Variants in SPAG16 observed in about 807,000 individuals in gnomAD.
SPAG16 encodes the protein sperm-associated antigen 16 protein.
In SPAG16, 86 loss-of-function variants were observed where a neutral mutation model predicts 80.4. The observed-to-expected ratio is 1.07, with a 90% CI of 0.90 to 1.28. The LOEUF (loss-of-function observed/expected upper bound fraction) is 1.28, where lower values mean the gene tolerates loss of function less well. Ranked by LOEUF, SPAG16 falls within the 50% of genes most tolerant of loss-of-function variation. The pLI is 0.00. For missense variants in SPAG16, 870 were observed against 765.3 expected (o/e 1.14, Z -1.61); for synonymous variants, 294 against 265.9 (o/e 1.11, Z -1.03).
At chr2:214,352,833 T>G (rs1160294327) in intron 15 of SPAG16, among the ~76,000 whole-genome samples, 1 of 151,972 alleles carries the variant, frequency 6.6e-6, no homozygotes, top group East Asian at 1.9e-4. Flanking sequence ...ATCATTTAAC[T>G]TTAACATACA....
intron 10 of SPAG16, among the ~76,000 whole-genome samples, chr2:213,778,731 ATC>A (rs1045715166): frequency 3.3e-5 from 5 of 152,142 alleles, no homozygotes; most frequent in African/African-American, 1.2e-4. Context: ...CTCTGCCACT[ATC>A]TCTAGTTCTT....
At chr2:214,207,249 C>T (rs1437126953) in intron 15 of SPAG16, among the ~76,000 whole-genome samples, 1 of 152,136 alleles carries the variant, frequency 6.6e-6, no homozygotes, top group Non-Finnish European at 1.5e-5. Context: ...CCACCCAGTT[C>T]AGGTGCTTTT....
intron 12 of SPAG16, among the ~76,000 whole-genome samples, chr2:213,964,307 T>G (rs1428101008): frequency 1.3e-5 from 2 of 152,144 alleles, no homozygotes; most frequent in Admixed American, 1.3e-4. Context: ...TATAATCATC[T>G]CTATTTATAT....
At chr2:213,678,103 G>T (rs1343460149) in intron 10 of SPAG16, among the ~76,000 whole-genome samples, 2 of 151,946 alleles carry the variant, frequency 1.3e-5, no homozygotes, top group Non-Finnish European at 2.9e-5. Flanking sequence ...AGAATCTCTG[G>T]GACACATTCA....
intron 1 of SPAG16, among the ~76,000 whole-genome samples, chr2:213,290,766 A>C (rs1324817095): frequency 6.6e-6 from 1 of 152,238 alleles, no homozygotes; most frequent in Non-Finnish European, 1.5e-5. Context: ...GCTCCGTGAA[A>C]GTAGAACCAG....
At chr2:213,500,457 A>G (rs2074691222) in intron 10 of SPAG16, among the ~76,000 whole-genome samples, 1 of 152,218 alleles carries the variant, frequency 6.6e-6, no homozygotes, top group Non-Finnish European at 1.5e-5. Flanking sequence ...GAGAGGAGAA[A>G]AGTGGTCTTG....
At chr2:213,475,002 T>C (rs943401448) in intron 9 of SPAG16, among the ~76,000 whole-genome samples, 3 of 152,204 alleles carry the variant, frequency 2.0e-5, no homozygotes, top group Middle Eastern at 3.2e-3. Context: ...GGTCCTCCAA[T>C]GGTACTGCTG....
At chr2:213,546,321 T>A (rs1234299229) in intron 10 of SPAG16, among the ~76,000 whole-genome samples, 1 of 152,186 alleles carries the variant, frequency 6.6e-6, no homozygotes, top group African/African-American at 2.4e-5. Context: ...GCCCCTTTTT[T>A]TTAGCAAGCA....
intron 10 of SPAG16, among the ~76,000 whole-genome samples, chr2:213,496,709 A>G (rs974803859): frequency 6.6e-6 from 1 of 151,110 alleles, no homozygotes; most frequent in Non-Finnish European, 1.5e-5. Context: ...ATCCATATAT[A>G]CATATCCATA....
intron 15 of SPAG16, among the ~76,000 whole-genome samples, chr2:214,353,550 A>G (rs972069462): frequency 3.3e-5 from 5 of 152,158 alleles, no homozygotes; most frequent in African/African-American, 1.2e-4. Flanking sequence ...AGTTTAACAG[A>G]TCACATACTG....
intron 10 of SPAG16, among the ~76,000 whole-genome samples, chr2:213,714,539 C>G (rs201300020): frequency 6.6e-6 from 1 of 152,048 alleles, no homozygotes; most frequent in East Asian, 1.9e-4. Context: ...TGGTTTAGGG[C>G]TTTTATAATT....
chr2:214,263,545 T>C (rs1691332337), intron 15 of SPAG16, among the ~76,000 whole-genome samples: 1 of 152,216 alleles, frequency 6.6e-6, no homozygotes, highest in Non-Finnish European at 1.5e-5. Flanking sequence ...TTGGCTGTTA[T>C]ACTTCAAGGT....
intron 13 of SPAG16, among the ~76,000 whole-genome samples, chr2:214,080,999 A>G (rs13415340): frequency 0.68 from 103,220 of 151,772 alleles, 36,472 homozygotes; most frequent in South Asian, 0.8. Context: ...CACTTTGAGA[A>G]CCACTGAATA....
chr2:213,881,866 T>C (rs1451404102), intron 11 of SPAG16, among the ~76,000 whole-genome samples: 1 of 152,220 alleles, frequency 6.6e-6, no homozygotes, highest in Non-Finnish European at 1.5e-5. Context: ...TTTTCAGTAC[T>C]ATGTTGAATA....
intron 15 of SPAG16, among the ~76,000 whole-genome samples, chr2:214,361,707 A>T (rs867351896): frequency 5.3e-5 from 8 of 151,990 alleles, no homozygotes; most frequent in African/African-American, 1.7e-4. Flanking sequence ...ATCAGAGACA[A>T]CATCCCCACT....
intron 10 of SPAG16, among the ~76,000 whole-genome samples, chr2:213,717,131 C>G (rs1235277102): frequency 6.6e-6 from 1 of 151,280 alleles, no homozygotes; most frequent in Non-Finnish European, 1.5e-5. Flanking sequence ...CTACGTAACT[C>G]AACTGTGAAA....
rs537008916 is a variant in SPAG16, at chr2:213,599,154, T to C, written c.1070+109064T>C. 2.2e-3 allele frequency among the ~76,000 whole-genome samples: 330 copies of C among 152,324 alleles called. 1 individual carries two copies. Among genetic ancestry groups the C allele is most frequent in the Non-Finnish European group, 4.0e-3 (269 of 68,024 alleles). On this transcript the variant is annotated intron_variant, in intron 10 of 15. Coordinates refer to ENST00000331683, the MANE Select transcript of SPAG16 (RefSeq NM_024532.5). ...AATATAGTTTTAAAACTCAGTTTAC[T>C]TGTAATAATCTAAAAACACAAATAG...
intron 12 of SPAG16, among the ~76,000 whole-genome samples, chr2:213,987,469 A>G (rs764811065): frequency 5.9e-5 from 9 of 152,074 alleles, no homozygotes; most frequent in Non-Finnish European, 1.3e-4. Flanking sequence ...TTAAAATTAA[A>G]CAAGTTTGAC....
At chr2:213,356,043 G>T (rs891312277) in intron 7 of SPAG16, among the ~76,000 whole-genome samples, 1 of 152,086 alleles carries the variant, frequency 6.6e-6, no homozygotes, top group Non-Finnish European at 1.5e-5. Context: ...AGGTATTTTC[G>T]ATCAATACCT....
Sources: allele counts gnomAD v4.1 joint callset (sites outside exome capture counted in the v4.1 genomes callset), GRCh38; gene constraint gnomAD v4.1.1; transcripts MANE v1.5; gene names NCBI Gene and HGNC (gene_info 2026-07-23, HGNC 2026-07-21).